NOP14: variants seen among roughly 807,000 people sequenced by gnomAD.
NOP14 encodes the protein nucleolar protein 14.
NOP14 carries 57 observed loss-of-function variants against 101.6 expected under a neutral mutation model. The ratio of observed to expected loss-of-function variants is 0.56; its 90% CI spans 0.45 to 0.70. The LOEUF (loss-of-function observed/expected upper bound fraction) is 0.70, where lower values mean the gene tolerates loss of function less well. Among genes scored for constraint, NOP14 ranks in the 30% least tolerant of loss-of-function variants. NOP14 has a pLI of 0.00. For missense variants in NOP14, 1,134 were observed against 1,075.5 expected, an observed-to-expected ratio of 1.05 and a Z score of -0.76; for synonymous variants, 428 against 424.0, an observed-to-expected ratio of 1.01 and a Z score of -0.12.
chr4:2,946,618 A>G (rs1328595840), intron 10 of NOP14, 71 bp from the exon 11 acceptor site: 1 of 1,455,996 alleles, frequency 6.9e-7, no homozygotes, highest in African/African-American at 1.4e-5. Flanking sequence ...CCTGCAAGCC[A>G]CTTTCCTATG....
rs760013943 is a variant in NOP14 at position 2,950,193 on chromosome 4, C to G, written c.1023G>C (p.Glu341Asp). The G allele has an allele frequency of 6.2e-7, 1 of 1,613,908 alleles. No individual in the cohort carries two copies. The highest frequency in any genetic ancestry group is 1.1e-5 in the South Asian group (1 of 91,086). Residue 341 changes from glutamate to aspartate, a missense_variant, in exon 8 of 18, where the codon GAG becomes GAC. Physicochemically the swap from Glu to Asp is conservative, Grantham distance 45. Transcript: ENST00000416614. The stretch of plus-strand genomic sequence containing the variant: ...TGCTTTGCTCTTCCTGGACATCTTC[C>G]TCGACATTCATCTTTCCATCCTACC... ...LSYKDGKMNVEEDVQEEQSKE... is the reference protein window; with the variant it reads ...LSYKDGKMNVDEDVQEEQSKE...
intron 14 of NOP14, 176 bp from the exon 15 acceptor site, chr4:2,941,905 G>T: frequency 1.3e-6 from 1 of 741,880 alleles, no homozygotes; most frequent in Non-Finnish European, 2.1e-6. Context: ...TCAGGGTCAG[G>T]CCTAACGCAG....
At chr4:2,950,968 A>G in intron 7 of NOP14, 146 bp downstream of exon 7, 3 of 707,024 alleles carry the variant, frequency 4.2e-6, no homozygotes, top group Non-Finnish European at 4.7e-6. Context: ...CTGATATACC[A>G]TAAACACCCA....
chr4:2,963,297 C>G lies in NOP14; in HGVS notation c.23G>C (p.Gly8Ala). The G allele has an allele frequency of 6.3e-7, 1 of 1,593,706 alleles. No individual in the cohort carries two copies. ...CGCCCCGGAGGCCTTCCTTCGCGCC[C>G]CGACCTTCTTCGCCTTCGCCATGGC... MAKAKKV[G>A]ARRKASGAPA... Residue 8 changes from glycine (G) to alanine (A), a missense_variant, in exon 1 of 18, where the codon GGG (glycine) becomes GCG (alanine). Gly to Ala is a moderately conservative substitution (Grantham distance 60). Transcript: ENST00000416614.
intron 5 of NOP14, 60 bp downstream of exon 5, chr4:2,953,451 G>T: frequency 1.3e-5 from 20 of 1,591,320 alleles, no homozygotes; most frequent in Non-Finnish European, 1.7e-5. Flanking sequence ...CCTTTCTCTG[G>T]AGAAAGTCGG....
rs764887307 is a variant in NOP14 at position 2,952,341 on chromosome 4, G to T, written c.804C>A (p.Pro268=). The T allele has an allele frequency of 6.2e-7, 1 of 1,613,506 alleles. No homozygotes were observed. The highest frequency in any genetic ancestry group is 1.1e-5 in the South Asian group (1 of 91,020). ...CTGCCTCCGTCTTCATCCTGTTAGA[G>T]GGCTGCGCCTTCATTTCAAAGCCAA... ...RELGFEMKAQ[P]SNRMKTEAEL... The change falls in exon 6 of 18, where the codon CCC becomes CCA. Residue 268 remains proline, a synonymous_variant. Transcript: ENST00000416614.
intron 3 of NOP14, among the ~76,000 whole-genome samples, chr4:2,955,923 G>A (rs1397478861): frequency 2.6e-5 from 4 of 152,160 alleles, no homozygotes; most frequent in Admixed American, 6.5e-5. Context: ...AGGCTTTAAC[G>A]CCTTAACTTT....
In NOP14 at chr4:2,944,078, C is replaced by T; in HGVS notation, c.1886G>A (p.Ser629Asn). The T allele has an allele frequency of 6.2e-7, 1 of 1,606,866 alleles. No homozygotes were observed. The highest frequency in any genetic ancestry group is 2.2e-5 in the East Asian group (1 of 44,816). ...ILYIATPNKASQGSTLVHPFR... is the reference protein window; with the variant it reads ...ILYIATPNKANQGSTLVHPFR... The stretch of plus-strand genomic sequence containing the variant: ...CCTCCCTCAAATCAACTCACCTTGG[C>T]TTGCTTTGTTTGGAGTTGCTATGTA... The change falls in exon 13 of 18, where the codon AGC becomes AAC. Residue 629 changes from serine to asparagine, a missense_variant. Coordinates refer to ENST00000416614, the MANE Select transcript of NOP14 (RefSeq NM_001291978.2).
intron 5 of NOP14, 103 bp from the exon 6 acceptor site, chr4:2,952,500 T>C (rs1423014829): frequency 3.7e-6 from 4 of 1,074,372 alleles, no homozygotes; most frequent in African/African-American, 1.6e-5. Context: ...AATGGCTAGA[T>C]AATGTTATTG....
chr4:2,945,882 G>C (rs936833384), intron 11 of NOP14, among the ~76,000 whole-genome samples: 1 of 152,148 alleles, frequency 6.6e-6, no homozygotes, highest in African/African-American at 2.4e-5. Flanking sequence ...TAGTGGAGGA[G>C]TGCCCTCCCC....
At chr4:2,955,482 C>A (rs1242249160) in intron 3 of NOP14, among the ~76,000 whole-genome samples, 13 of 144,920 alleles carry the variant, frequency 9.0e-5, no homozygotes, top group African/African-American at 3.4e-4. Context: ...CTGCACGCCA[C>A]GGCGCCCCCT....
At chr4:2,954,317 A>G (rs575343434) in intron 4 of NOP14, 107 bp downstream of exon 4, 56 of 1,296,730 alleles carry the variant, frequency 4.3e-5, no homozygotes, top group Non-Finnish European at 5.8e-5. Context: ...GAACTCATAT[A>G]AAATATTAAA....
intron 12 of NOP14, among the ~76,000 whole-genome samples, chr4:2,944,469 C>T (rs568190079): frequency 6.6e-6 from 1 of 152,288 alleles, no homozygotes; most frequent in South Asian, 2.1e-4. Flanking sequence ...TGCAATGGCA[C>T]AATCTCGGCT....
Position 2,954,465 on chromosome 4 carries a change from C to G in NOP14, c.571G>C (p.Glu191Gln). The G allele has an allele frequency of 1.9e-6, 3 of 1,614,198 alleles. No individual in the cohort carries two copies. The highest frequency in any genetic ancestry group is 2.5e-6 in the Non-Finnish European group (3 of 1,180,026). The change falls in exon 4 of 18, where the codon GAG becomes CAG. Residue 191 changes from glutamate to glutamine, a missense_variant. By Grantham distance (29) the Glu-to-Gln change is conservative (BLOSUM62 2). Transcript: ENST00000416614. The stretch of plus-strand genomic sequence containing the variant: ...TTGGCAATGAGCTCTTCAATCAGCT[C>G]TTTCCGGGACTTCGGTTTCTCCCGC... ...EEREKPKSRKELIEELIAKSK... is the reference protein window; with the variant it reads ...EEREKPKSRKQLIEELIAKSK...
rs1713809403 is a variant in NOP14, at chr4:2,938,242, C to CT, written c.*588dup. 3 of 1,288,552 alleles carry CT rather than the reference C, an allele frequency of 2.3e-6. No homozygotes were observed. The African/African-American group carries it at 4.6e-5, about 20-fold the overall frequency. 79.8% of individuals were successfully genotyped at this position (1,288,552 alleles called of 1,614,324 possible). On this transcript the variant is annotated 3_prime_UTR_variant, in exon 18 of 18. Coordinates refer to ENST00000416614, the MANE Select transcript of NOP14 (RefSeq NM_001291978.2). ...AGCATTATTACTCTAAAAAAAATTA[C>CT]TTTTTTGGCTGGGTGCTGTGGCTCA...
chr4:2,939,289 C>T lies in NOP14; in HGVS notation c.2373G>A (p.Arg791=), dbSNP rs1346988983. 3 of 1,614,018 alleles carry T rather than the reference C, an allele frequency of 1.9e-6. No individual in the cohort carries two copies. Among genetic ancestry groups the T allele is most frequent in the Non-Finnish European group, 2.5e-6 (3 of 1,180,034 alleles). ...ATTCACGCTTGTGTTTGTGGATCAGCCTCTTCCTTTCCTGTTCCTCCTTAC... is the reference window on the plus strand; with the variant it reads ...ATTCACGCTTGTGTTTGTGGATCAGTCTCTTCCTTTCCTGTTCCTCCTTAC... ...GSSKEEQERK[R]LIHKHKREFK... The change falls in exon 17 of 18, where the codon AGG becomes AGA. Residue 791 remains arginine (R), a synonymous_variant. Coordinates refer to ENST00000416614, the MANE Select transcript of NOP14 (RefSeq NM_001291978.2).
intron 10 of NOP14, chr4:2,947,273 T>C: frequency 3.7e-6 from 2 of 541,464 alleles, no homozygotes; most frequent in Non-Finnish European, 6.5e-6. Context: ...CTAAAGGGGT[T>C]CACTTGTTTC....
rs537712058 is a variant in NOP14, at chr4:2,959,462, G to A, written c.196-1722C>T. ...AAAAAAATTAGCCGGGTGTGGTGGC[G>A]GGCGCCTGTAGTCCCAGCTACTCAG... On this transcript the variant is annotated intron_variant, in intron 1 of 17. Transcript: ENST00000416614. Among the ~76,000 whole-genome samples, 224 of 152,096 alleles carry A rather than the reference G, an allele frequency of 1.5e-3. 3 individuals carry two copies. Among genetic ancestry groups the A allele is most frequent in the Admixed American group, 2.5e-3 (38 of 15,280 alleles).
chr4:2,938,042 C>T lies in NOP14; in HGVS notation c.*789G>A, dbSNP rs1713788428. 1 of 370,392 alleles carries T rather than the reference C, an allele frequency of 2.7e-6. No individual in the cohort carries two copies. Among genetic ancestry groups the T allele is most frequent in the African/African-American group, 2.2e-5 (1 of 45,216 alleles). 22.9% of individuals were successfully genotyped at this position (370,392 alleles called of 1,614,324 possible). On this transcript the variant is annotated 3_prime_UTR_variant, in exon 18 of 18. Transcript: ENST00000416614. ...TTACACTGGCCAGAATCCCCAGTCC[C>T]CATGAGGCTTGTCCAGACGCAGTGA... is the stretch of plus-strand genomic sequence containing the variant.
Sources: allele counts gnomAD v4.1 joint callset (sites outside exome capture counted in the v4.1 genomes callset), GRCh38; gene constraint gnomAD v4.1.1; transcripts MANE v1.5; gene names NCBI Gene and HGNC (gene_info 2026-07-23, HGNC 2026-07-21).